Variants in CDH4 observed in about 807,000 individuals in gnomAD.
CDH4 encodes cadherin 4, also known as cadherin-4.
A neutral mutation model predicts 86.0 loss-of-function variants in CDH4; 33 were observed. The observed-to-expected ratio is 0.38, with a 90% CI of 0.29 to 0.51. The LOEUF (loss-of-function observed/expected upper bound fraction) is 0.51, where lower values mean the gene tolerates loss of function less well. Among genes scored for constraint, CDH4 ranks in the 20% least tolerant of loss-of-function variants. The pLI, the probability that CDH4 is intolerant of heterozygous loss-of-function variation, is 0.86. For missense variants in CDH4, 1,114 were observed against 1,307.4 expected, an observed-to-expected ratio of 0.85 and a Z score of 2.28; for synonymous variants, 555 against 549.4, an observed-to-expected ratio of 1.01 and a Z score of -0.14.
At chr20:61,255,602 C>A (rs1433694094) in intron 2 of CDH4, among the ~76,000 whole-genome samples, 1 of 152,226 alleles carries the variant, frequency 6.6e-6, no homozygotes, top group Non-Finnish European at 1.5e-5. Flanking sequence ...TGGCTGTGAG[C>A]CTTTCCTCTC....
At position 61,517,170 on chromosome 20, in the gene CDH4, G is replaced by A. The variant is rs1273884373; in HGVS notation, c.170-226393G>A. 6.6e-6 allele frequency among the ~76,000 whole-genome samples: 1 copy of A among 152,158 alleles called. No homozygotes were observed. ...TATTCCAACTTTCTAGATGTTGCCTGACTTTGAACTTCGGGTAAATGGAAT... is the reference window on the plus strand; with the variant it reads ...TATTCCAACTTTCTAGATGTTGCCTAACTTTGAACTTCGGGTAAATGGAAT... On this transcript the variant is annotated intron_variant, in intron 2 of 15. Coordinates refer to ENST00000614565, the MANE Select transcript of CDH4 (RefSeq NM_001794.5). This position sits in a 1 kb window ranked among gnomAD's most constrained non-coding sequence, Gnocchi z 6.6.
intron 2 of CDH4, among the ~76,000 whole-genome samples, chr20:61,324,888 C>A (rs554709147): frequency 3.3e-5 from 5 of 152,170 alleles, no homozygotes; most frequent in African/African-American, 4.8e-5. Flanking sequence ...ACATGGAACT[C>A]GCTGGGAGGC....
rs1340384588 is a variant in CDH4, at chr20:61,480,056, ATCTGTCGATGTTTTCT to A, written c.169+225124_169+225139del. 6.6e-6 allele frequency among the ~76,000 whole-genome samples: 1 copy of A among 152,042 alleles called. No homozygotes were observed. The highest frequency in any genetic ancestry group is 1.5e-5 in the Non-Finnish European group (1 of 68,010). ...GATTCGGGACATCTTTTGTGTCTTG[ATCTGTCGATGTTTTCT>A]TCTGCATTCTTCAACAAATACGGGA... On this transcript the variant is annotated intron_variant, in intron 2 of 15. Coordinates refer to ENST00000614565, the MANE Select transcript of CDH4 (RefSeq NM_001794.5). The surrounding 1 kb of genome is among the most constrained non-coding windows in gnomAD (Gnocchi z 5.2).
chr20:61,632,388 T>A (rs2086897222), intron 2 of CDH4, among the ~76,000 whole-genome samples: 1 of 152,126 alleles, frequency 6.6e-6, no homozygotes, highest in Non-Finnish European at 1.5e-5. Context: ...AGCAAAACAG[T>A]GTCACCGATC....
At chr20:61,485,677 ACT>A (rs140847323) in intron 2 of CDH4, among the ~76,000 whole-genome samples, 4,959 of 152,088 alleles carry the variant, frequency 0.033, 114 homozygotes, top group South Asian at 0.071. Context: ...GATTCTCCTG[ACT>A]CTTGTGCAGA....
chr20:61,407,538 C>T (rs1330975054), intron 2 of CDH4, among the ~76,000 whole-genome samples: 2 of 152,186 alleles, frequency 1.3e-5, no homozygotes, highest in Non-Finnish European at 2.9e-5. Flanking sequence ...GAAAAGACTT[C>T]GGCAGGGTCT....
At position 61,684,924 on chromosome 20, in the gene CDH4, C is replaced by T. The variant is rs1394625542; in HGVS notation, c.170-58639C>T. Among the ~76,000 whole-genome samples, 1 of 138,564 alleles carries T rather than the reference C, an allele frequency of 7.2e-6. No homozygotes were observed. The highest frequency in any genetic ancestry group is 1.9e-4 in the East Asian group (1 of 5,182). The allele number at this position is 138,564 out of a possible 152,430, so 90.9% of individuals were successfully genotyped here. A position where few individuals can be genotyped will look rare whatever the true frequency, so the allele number is the denominator to read the frequency against. On this transcript the variant is annotated intron_variant, in intron 2 of 15. Coordinates refer to ENST00000614565, the MANE Select transcript of CDH4 (RefSeq NM_001794.5). The surrounding 1 kb of genome is among the most constrained non-coding windows in gnomAD (Gnocchi z 4.5). The stretch of plus-strand genomic sequence containing the variant: ...TATAAAAACTTACCGTGAAATTCCC[C>T]TGTTTAAAGTGTACAATTCAATGGT...
intron 2 of CDH4, among the ~76,000 whole-genome samples, chr20:61,463,180 C>T (rs2085453942): frequency 6.6e-6 from 1 of 152,112 alleles, no homozygotes; most frequent in African/African-American, 2.4e-5. Context: ...TGAGGCCTCC[C>T]CAGTCACGTG....
chr20:61,631,675 A>G (rs770035814), intron 2 of CDH4, among the ~76,000 whole-genome samples: 3 of 152,174 alleles, frequency 2.0e-5, no homozygotes, highest in Non-Finnish European at 4.4e-5. Context: ...GGGCTCAGGA[A>G]TCTGCATTCT....
At chr20:61,782,381 T>G (rs1353416441) in intron 4 of CDH4, among the ~76,000 whole-genome samples, 3 of 152,124 alleles carry the variant, frequency 2.0e-5, no homozygotes, top group South Asian at 2.1e-4. Flanking sequence ...TCATCACCAT[T>G]AGATCCAGAG....
intron 3 of CDH4, among the ~76,000 whole-genome samples, chr20:61,769,100 G>A (rs920285703): frequency 4.6e-5 from 7 of 152,152 alleles, no homozygotes; most frequent in Non-Finnish European, 7.4e-5. Context: ...GGCTCCCCTC[G>A]CCCTCATCTG....
intron 9 of CDH4, among the ~76,000 whole-genome samples, chr20:61,915,376 T>A (rs2054893180): frequency 6.6e-6 from 1 of 152,176 alleles, no homozygotes; most frequent in Admixed American, 6.5e-5. Context: ...GATGGTACCG[T>A]CTGACCAGCC....
At chr20:61,316,238 C>T (rs907696237) in intron 2 of CDH4, among the ~76,000 whole-genome samples, 1 of 152,206 alleles carries the variant, frequency 6.6e-6, no homozygotes, top group Non-Finnish European at 1.5e-5. Context: ...GACTTCTTGA[C>T]AGATCTGCAT....
At chr20:61,745,747 G>C (rs534909398) in intron 3 of CDH4, among the ~76,000 whole-genome samples, 2 of 152,108 alleles carry the variant, frequency 1.3e-5, no homozygotes, top group East Asian at 1.9e-4. Flanking sequence ...GACAGGCAGG[G>C]ACTTTCATCC....
rs530122504 is a variant in CDH4, at chr20:61,868,862, G to A, written c.878-4866G>A. Among the ~76,000 whole-genome samples, 4 of 152,372 alleles carry A rather than the reference G, an allele frequency of 2.6e-5. 1 individual carries two copies. In the South Asian group the frequency reaches 8.3e-4, roughly 32 times the overall value. On this transcript the variant is annotated intron_variant, in intron 6 of 15. Coordinates refer to ENST00000614565, the MANE Select transcript of CDH4 (RefSeq NM_001794.5). ...GGGAGCTCTGAGCACACGTGGGGAA[G>A]CCCCATCCCAGCCGGGCACACCTGG...
intron 2 of CDH4, among the ~76,000 whole-genome samples, chr20:61,384,311 A>G (rs1035673973): frequency 6.6e-6 from 1 of 152,184 alleles, no homozygotes; most frequent in Non-Finnish European, 1.5e-5. Context: ...AGGAGGAACC[A>G]TGAGTGTAGA....
intron 7 of CDH4, among the ~76,000 whole-genome samples, chr20:61,874,871 C>T (rs1395806791): frequency 2.6e-5 from 4 of 152,226 alleles, no homozygotes; most frequent in Non-Finnish European, 4.4e-5. Context: ...CAGCCCTGCC[C>T]GCGGGAGGCT....
intron 2 of CDH4, among the ~76,000 whole-genome samples, chr20:61,647,573 C>CCCT (rs1491579572): frequency 1.4e-5 from 2 of 144,530 alleles, no homozygotes; most frequent in Non-Finnish European, 3.1e-5. Flanking sequence ...CCCTCTCCCT[C>CCCT]CCTCCCCCTC....
At chr20:61,898,834 C>T (rs1985250360) in intron 8 of CDH4, among the ~76,000 whole-genome samples, 1 of 152,172 alleles carries the variant, frequency 6.6e-6, no homozygotes, top group South Asian at 2.1e-4. Flanking sequence ...TCTAAAAATG[C>T]CATGGGTGGT....
Sources: gnomAD v4.1 joint callset for allele counts (sites outside exome capture counted in the v4.1 genomes callset) on GRCh38, gnomAD v4.1.1 for gene constraint, Gnocchi (gnomAD v3.1) non-coding constraint, MANE v1.5 for transcripts, NCBI Gene and HGNC (gene_info 2026-07-23, HGNC 2026-07-21) for gene names.